Variants in MICAL3 observed in about 807,000 individuals in gnomAD.
MICAL3 encodes the protein microtubule associated monooxygenase, calponin and LIM domain containing 3, also known as [F-actin]-monooxygenase MICAL3.
A neutral mutation model predicts 207.4 loss-of-function variants in MICAL3; 62 were observed. The observed-to-expected ratio is 0.30, with a 90% CI of 0.24 to 0.37. MICAL3 has a LOEUF of 0.37. MICAL3 is among the 10% of genes least tolerant of loss of function. The pLI is 1.00. For synonymous variants in MICAL3, 1,077 were observed against 1,069.3 expected, an observed-to-expected ratio of 1.01 and a Z score of -0.14; for missense variants, 2,368 against 2,635.6, an observed-to-expected ratio of 0.90 and a Z score of 2.22.
At chr22:17,876,291 T>C (rs1928333955) in intron 16 of MICAL3, 1 of 152,238 alleles carries the variant, frequency 6.6e-6, no homozygotes, top group Non-Finnish European at 1.5e-5. Context: ...AATAACTGCT[T>C]CATTTCCCAC....
chr22:17,787,718 TA>T lies in MICAL3; in HGVS notation c.*3013del, dbSNP rs1569062501. On this transcript the variant is annotated 3_prime_UTR_variant, in exon 32 of 32. Transcript: ENST00000441493. ...TTTGTGGGTCAGATGTTACCACCTT[TA>T]AAAAAATGTTTTTTAACTCTCCTTT... 1 of 152,240 alleles carries T rather than the reference TA, an allele frequency of 6.6e-6. No individual in the cohort carries two copies. Among genetic ancestry groups the T allele is most frequent in the African/African-American group, 2.4e-5 (1 of 41,464 alleles). The allele number at this position is 152,240 out of a possible 1,614,324, so 9.4% of individuals were successfully genotyped here.
Position 17,875,640 on chromosome 22 carries a change from A to G in MICAL3, c.2242-3617T>C. Reference sequence around the variant, plus strand: ...TGACCTCTGAACATAAGATGGTTGTAGAGCCTTTTACTCTAGACCTTTATC... The same window carrying G: ...TGACCTCTGAACATAAGATGGTTGTGGAGCCTTTTACTCTAGACCTTTATC... On this transcript the variant is annotated intron_variant, in intron 16 of 31. Transcript: ENST00000441493. 10 of 595,734 alleles carry G rather than the reference A, an allele frequency of 1.7e-5. No individual in the cohort carries two copies. The South Asian group carries it at 1.8e-4, about 11-fold the overall frequency. 36.9% of individuals were successfully genotyped at this position (595,734 alleles called of 1,614,324 possible).
chr22:17,950,337 GTTTTTTT>G lies in MICAL3; in HGVS notation c.-74-43458_-74-43452del, dbSNP rs764642603. ...CCACCACATCTGGCGTTTTGTTTTT[GTTTTTTT>G]TTTTTTTTTTTTTTTTGAGACGAAG... On this transcript the variant is annotated intron_variant, in intron 1 of 31. Coordinates refer to ENST00000441493, the MANE Select transcript of MICAL3 (RefSeq NM_015241.3). Among the ~76,000 whole-genome samples, 578 of 89,334 alleles carry G rather than the reference GTTTTTTT, an allele frequency of 6.5e-3. 4 individuals are homozygous for G. The highest frequency in any genetic ancestry group is 0.02 in the African/African-American group (537 of 26,390). The allele number at this position is 89,334 out of a possible 152,430, so 58.6% of individuals were successfully genotyped here.
At position 17,893,817 on chromosome 22, in the gene MICAL3, T is replaced by G. The variant is rs1462128045; in HGVS notation, c.1537A>C (p.Thr513Pro). 2 of 1,571,652 alleles carry G rather than the reference T, an allele frequency of 1.3e-6. No homozygotes were observed. Among genetic ancestry groups the G allele is most frequent in the Non-Finnish European group, 1.7e-6 (2 of 1,156,864 alleles). The change falls in exon 11 of 32, where the codon ACT (threonine) becomes CCT (proline). Residue 513 changes from threonine to proline, a missense_variant. Physicochemically the swap from Thr to Pro is conservative, Grantham distance 38 (BLOSUM62 -1). Transcript: ENST00000441493. ...LVNSRTTPKL[T>P]RNESVARSSK... is the part of the protein sequence containing the mutation. The stretch of plus-strand genomic sequence containing the variant: ...CACCACCAGAACTCACCATTGCGAG[T>G]CAATTTGGGGGTGGTTCGGGAATTC...
At chr22:17,943,881 T>G (rs1007428314) in intron 1 of MICAL3, among the ~76,000 whole-genome samples, 1 of 151,462 alleles carries the variant, frequency 6.6e-6, no homozygotes, top group Non-Finnish European at 1.5e-5. Flanking sequence ...AGAGATGGAG[T>G]TTTTCTTTTA....
chr22:18,017,986 G>A lies in MICAL3; in HGVS notation c.-75+6295C>T, dbSNP rs79744102. Among the ~76,000 whole-genome samples, 9 of 152,046 alleles carry A rather than the reference G, an allele frequency of 5.9e-5. No individual in the cohort carries two copies. The South Asian group carries it at 1.0e-3, about 18-fold the overall frequency. On this transcript the variant is annotated intron_variant, in intron 1 of 31. Coordinates refer to ENST00000441493, the MANE Select transcript of MICAL3 (RefSeq NM_015241.3). The stretch of plus-strand genomic sequence containing the variant: ...AGGATGGTCTCGATCTCCTGACCTC[G>A]TGATCCACCTGCCTCGGCCTCCCAC...
chr22:17,960,289 C>T (rs1370631538), intron 1 of MICAL3, among the ~76,000 whole-genome samples: 2 of 152,224 alleles, frequency 1.3e-5, no homozygotes, highest in African/African-American at 2.4e-5. Flanking sequence ...GTCCTCTTCC[C>T]CTGTGTGTAT....
intron 1 of MICAL3, among the ~76,000 whole-genome samples, chr22:17,987,892 G>A (rs1314498572): frequency 3.3e-5 from 5 of 152,200 alleles, no homozygotes; most frequent in Admixed American, 2.6e-4. Context: ...GATGGGGAGT[G>A]CCTGCACTCC....
Position 17,840,458 on chromosome 22 carries a change from A to C in MICAL3, c.2801+1364T>G, listed in dbSNP as rs372161294. On this transcript the variant is annotated intron_variant, in intron 20 of 31. Transcript: ENST00000441493. ...TAAGATGAGGCATGTATTGCATTGCATAGATGCTGACTGATTTCATGTTTT... is the reference window on the plus strand; with the variant it reads ...TAAGATGAGGCATGTATTGCATTGCCTAGATGCTGACTGATTTCATGTTTT... 12 of 152,322 alleles carry C rather than the reference A, an allele frequency of 7.9e-5. No homozygotes were observed. The East Asian group carries it at 1.5e-3, about 20-fold the overall frequency. The allele number at this position is 152,322 out of a possible 1,614,324, so 9.4% of individuals were successfully genotyped here. A position where few individuals can be genotyped will look rare whatever the true frequency, so the allele number is the denominator to read the frequency against.
intron 1 of MICAL3, among the ~76,000 whole-genome samples, chr22:17,993,838 AC>A (rs11301702): frequency 0.32 from 48,049 of 151,150 alleles, 8,647 homozygotes; most frequent in African/African-American, 0.5. Flanking sequence ...GGAAGCGGTG[AC>A]CCCCCAGGAC....
intron 7 of MICAL3, among the ~76,000 whole-genome samples, chr22:17,897,315 T>C (rs4819473): frequency 0.48 from 72,607 of 149,912 alleles, 19,257 homozygotes; most frequent in African/African-American, 0.72. Flanking sequence ...CCCAGCTACT[T>C]GGGAAGCTGA....
In MICAL3 at chr22:17,898,654, T is replaced by C. The variant is rs143076014; in HGVS notation, c.948+794A>G. Reference sequence around the variant, plus strand: ...CACAACTGGTGTCTCTGCTTCTGTTTTTCTCATCGCATGGGGACAGTGATT... The same window carrying C: ...CACAACTGGTGTCTCTGCTTCTGTTCTTCTCATCGCATGGGGACAGTGATT... On this transcript the variant is annotated intron_variant, in intron 7 of 31. Coordinates refer to ENST00000441493, the MANE Select transcript of MICAL3 (RefSeq NM_015241.3). 2.4e-4 allele frequency among the ~76,000 whole-genome samples: 37 copies of C among 152,334 alleles called. No homozygotes were observed. In the East Asian group the frequency reaches 6.6e-3, roughly 27 times the overall value.
rs2061880236 is a variant in MICAL3 at position 17,796,722 on chromosome 22, T to G, written c.5651-5421A>C. 6.6e-6 allele frequency among the ~76,000 whole-genome samples: 1 copy of G among 152,188 alleles called. No homozygotes were observed. Among genetic ancestry groups the G allele is most frequent in the Non-Finnish European group, 1.5e-5 (1 of 68,016 alleles). ...CCTGCCTCGTCTTCTGAAGAGGCCC[T>G]GAGAGGGTAAGTAGAGTCTGTTTTG... On this transcript the variant is annotated intron_variant, in intron 29 of 31. Transcript: ENST00000441493. The surrounding 1 kb of genome is among the most constrained non-coding windows in gnomAD (Gnocchi z 4.4).
intron 21 of MICAL3, among the ~76,000 whole-genome samples, chr22:17,830,898 G>T (rs1922732595): frequency 6.6e-6 from 1 of 152,236 alleles, no homozygotes; most frequent in Non-Finnish European, 1.5e-5. Flanking sequence ...GCTCCCAGGG[G>T]ACTGGATCAG....
At chr22:17,919,483 G>T (rs1432755999) in intron 1 of MICAL3, among the ~76,000 whole-genome samples, 1 of 152,250 alleles carries the variant, frequency 6.6e-6, no homozygotes, top group Non-Finnish European at 1.5e-5. Context: ...ACAACAGGTG[G>T]TGCACAGTGA....
intron 25 of MICAL3, 143 bp downstream of exon 25, chr22:17,821,284 T>C (rs1191520313): frequency 4.6e-6 from 3 of 651,070 alleles, no homozygotes; most frequent in East Asian, 6.7e-5. Flanking sequence ...TTTTCAGTCT[T>C]CCTCAGAATG....
At chr22:17,931,076 C>T (rs546269926) in intron 1 of MICAL3, among the ~76,000 whole-genome samples, 10 of 152,180 alleles carry the variant, frequency 6.6e-5, no homozygotes, top group Admixed American at 5.2e-4. Context: ...GTGCTTCAGG[C>T]GACCAGTGAG....
chr22:17,982,771 A>G (rs1602345113), intron 1 of MICAL3, among the ~76,000 whole-genome samples: 1 of 129,302 alleles, frequency 7.7e-6, no homozygotes, highest in East Asian at 1.9e-4. Flanking sequence ...AAAATAAAGT[A>G]AAATAAAATA....
chr22:17,929,653 C>T (rs558547614), intron 1 of MICAL3, among the ~76,000 whole-genome samples: 21 of 149,422 alleles, frequency 1.4e-4, no homozygotes, highest in South Asian at 2.1e-4. Context: ...CTGCTACCTC[C>T]GCCTCCCGGG....
Sources: gnomAD v4.1 joint callset for allele counts (sites outside exome capture counted in the v4.1 genomes callset) on GRCh38, gnomAD v4.1.1 for gene constraint, Gnocchi (gnomAD v3.1) non-coding constraint, MANE v1.5 for transcripts, NCBI Gene and HGNC (gene_info 2026-07-23, HGNC 2026-07-21) for gene names.